DNM3: variants seen among roughly 807,000 people sequenced by gnomAD.
DNM3 encodes the protein dynamin-3.
In DNM3, 47 loss-of-function variants were observed where a neutral mutation model predicts 101.6. The ratio of observed to expected loss-of-function variants is 0.46; its 90% CI spans 0.37 to 0.59. The LOEUF (loss-of-function observed/expected upper bound fraction) is 0.59, where lower values mean the gene tolerates loss of function less well. Among genes scored for constraint, DNM3 ranks in the 20% least tolerant of loss-of-function variants. The pLI is 0.00. For synonymous variants in DNM3, 385 were observed against 387.9 expected (o/e 0.99, Z 0.09); for missense variants, 849 against 1,085.7 (o/e 0.78, Z 3.06).
intron 2 of DNM3, chr1:171,970,342 A>C (rs1376539286): frequency 1.2e-5 from 2 of 160,324 alleles, no homozygotes; most frequent in Non-Finnish European, 2.6e-5. Context: ...TATCATGATC[A>C]TTATTATTTC....
At chr1:172,017,942 T>TA (rs1027523156) in intron 4 of DNM3, among the ~76,000 whole-genome samples, 6 of 152,140 alleles carry the variant, frequency 3.9e-5, no homozygotes, top group Non-Finnish European at 5.9e-5. Context: ...TTTTTATTAT[T>TA]ATATAATGCC....
At chr1:172,143,866 A>G (rs1040123767) in intron 14 of DNM3, among the ~76,000 whole-genome samples, 1 of 152,096 alleles carries the variant, frequency 6.6e-6, no homozygotes, top group Admixed American at 6.5e-5. Flanking sequence ...AAGACTTGGC[A>G]GGTTCTTCTT....
intron 14 of DNM3, chr1:172,133,117 G>A (rs1315713903): frequency 7.1e-7 from 1 of 1,410,236 alleles, no homozygotes; most frequent in African/African-American, 1.5e-5. Flanking sequence ...CTGGGTGTTA[G>A]CAGCAGAGAC....
At chr1:172,368,906 C>T (rs997447462) in intron 17 of DNM3, among the ~76,000 whole-genome samples, 1 of 151,816 alleles carries the variant, frequency 6.6e-6, no homozygotes, top group Non-Finnish European at 1.5e-5. Flanking sequence ...TTCCTGGGCA[C>T]ATACAAGCTA....
chr1:171,876,383 T>C (rs1463207654), intron 1 of DNM3, among the ~76,000 whole-genome samples: 1 of 152,188 alleles, frequency 6.6e-6, no homozygotes, highest in East Asian at 1.9e-4. Context: ...TTTCCTTTTT[T>C]TTCTTTTCTT....
At chr1:172,363,879 C>T (rs183571865) in intron 17 of DNM3, among the ~76,000 whole-genome samples, 8 of 151,968 alleles carry the variant, frequency 5.3e-5, no homozygotes, top group Non-Finnish European at 8.8e-5. Context: ...GTTTCCCTCA[C>T]CTAGATGCCT....
At chr1:172,022,079 T>G (rs2047888163) in intron 4 of DNM3, among the ~76,000 whole-genome samples, 1 of 152,118 alleles carries the variant, frequency 6.6e-6, no homozygotes, top group African/African-American at 2.4e-5. Context: ...GCAGAAAAAT[T>G]TAGTGATTAA....
intron 4 of DNM3, among the ~76,000 whole-genome samples, chr1:171,998,604 GCC>G: frequency 6.6e-6 from 1 of 152,158 alleles, no homozygotes; most frequent in African/African-American, 2.4e-5. Context: ...AAAATTCTTG[GCC>G]TTCTAGAGCT....
chr1:171,965,883 G>T (rs947594538), intron 2 of DNM3, among the ~76,000 whole-genome samples: 2 of 152,222 alleles, frequency 1.3e-5, no homozygotes, highest in African/African-American at 4.8e-5. Context: ...CATGTAGTTG[G>T]ATTCTCTGGC....
chr1:172,151,996 GCCTC>G (rs1436330612), intron 14 of DNM3, among the ~76,000 whole-genome samples: 2 of 151,976 alleles, frequency 1.3e-5, no homozygotes, highest in African/African-American at 2.4e-5. Flanking sequence ...CTACCTCTCA[GCCTC>G]CCAAGTAGCT....
Position 172,253,536 on chromosome 1 carries a change from T to C in DNM3, c.1660-37T>C, listed in dbSNP as rs548646309. The C allele has an allele frequency of 9.2e-4, 1,150 of 1,253,890 alleles. 2 individuals are homozygous for C. The highest frequency in any genetic ancestry group is 1.2e-3 in the Non-Finnish European group (1,060 of 906,698). 77.7% of individuals were successfully genotyped at this position (1,253,890 alleles called of 1,614,324 possible). Reference sequence around the variant, plus strand: ...TCTCCTCTCCTCTCCTCTCCTCTCCTCTCCTCTCCCTCTTTTCTTTCTCTC... The same window carrying C: ...TCTCCTCTCCTCTCCTCTCCTCTCCCCTCCTCTCCCTCTTTTCTTTCTCTC... On this transcript the variant is annotated intron_variant, in intron 14 of 20. Transcript: ENST00000627582.
chr1:172,192,106 A>G (rs1428729449), intron 14 of DNM3, among the ~76,000 whole-genome samples: 1 of 152,006 alleles, frequency 6.6e-6, no homozygotes, highest in East Asian at 1.9e-4. Context: ...GTTTTTGCCC[A>G]CTCAGTATGA....
chr1:172,007,180 AGG>A (rs1395502766), intron 4 of DNM3, among the ~76,000 whole-genome samples: 1 of 152,128 alleles, frequency 6.6e-6, no homozygotes, highest in Non-Finnish European at 1.5e-5. Context: ...TACCTAAGAG[AGG>A]AATTGCACAT....
At chr1:171,896,963 C>T (rs943787591) in intron 1 of DNM3, among the ~76,000 whole-genome samples, 5 of 152,296 alleles carry the variant, frequency 3.3e-5, no homozygotes, top group African/African-American at 1.2e-4. Flanking sequence ...ACTACTGCTT[C>T]TCTCATTTCA....
chr1:171,904,134 C>T (rs2038609781), intron 1 of DNM3, among the ~76,000 whole-genome samples: 1 of 149,342 alleles, frequency 6.7e-6, no homozygotes. Flanking sequence ...ATGGTGAAAC[C>T]CCGTCTCCTC....
intron 1 of DNM3, among the ~76,000 whole-genome samples, chr1:171,911,530 G>A (rs370084263): frequency 6.6e-5 from 10 of 152,086 alleles, no homozygotes; most frequent in South Asian, 2.1e-4. Context: ...TGATCCGCCC[G>A]CCTCGGCCTC....
chr1:172,144,454 T>G (rs1324612610), intron 14 of DNM3: 1 of 324,954 alleles, frequency 3.1e-6, no homozygotes, highest in Non-Finnish European at 6.5e-6. Context: ...AGAAAAACAC[T>G]GGATATGAGA....
intron 16 of DNM3, among the ~76,000 whole-genome samples, chr1:172,316,400 A>G (rs185404604): frequency 3.9e-5 from 6 of 152,314 alleles, no homozygotes; most frequent in Admixed American, 3.9e-4. Flanking sequence ...ATTAACTTTA[A>G]ATGTAAAAGG....
At chr1:171,947,659 C>G (rs961458119) in intron 2 of DNM3, among the ~76,000 whole-genome samples, 1 of 152,096 alleles carries the variant, frequency 6.6e-6, no homozygotes, top group Non-Finnish European at 1.5e-5. Context: ...ACTAGCTAAA[C>G]AAAGTAAATT....
Sources: allele counts gnomAD v4.1 joint callset (sites outside exome capture counted in the v4.1 genomes callset), GRCh38; gene constraint gnomAD v4.1.1; transcripts MANE v1.5; gene names NCBI Gene and HGNC (gene_info 2026-07-23, HGNC 2026-07-21).